The following USP32 variants were observed in gnomAD, a reference collection of about 807,000 sequenced individuals.
The protein encoded by USP32 is ubiquitin specific peptidase 32.
USP32 carries 59 observed loss-of-function variants against 204.8 expected under a neutral mutation model. That is an observed-to-expected ratio of 0.29 (90% CI 0.23 to 0.36). The LOEUF (loss-of-function observed/expected upper bound fraction) is 0.36. Ranked by LOEUF, USP32 falls within the 10% of genes least tolerant of loss-of-function variation. The pLI, the probability that USP32 is intolerant of heterozygous loss-of-function variation, is 1.00. For missense variants in USP32, 1,160 were observed against 1,946.4 expected (o/e 0.60, Z 7.60); for synonymous variants, 517 against 678.4 (o/e 0.76, Z 3.70).
chr17:60,209,903 G>A (rs2084915934), intron 21 of USP32, among the ~76,000 whole-genome samples: 2 of 151,858 alleles, frequency 1.3e-5, no homozygotes, highest in Admixed American at 1.3e-4. Flanking sequence ...ATTTTTATAT[G>A]CATATAAAAT....
At chr17:60,303,006 T>C (rs968225843) in intron 2 of USP32, among the ~76,000 whole-genome samples, 18 of 152,202 alleles carry the variant, frequency 1.2e-4, no homozygotes, top group African/African-American at 4.3e-4. Context: ...TTAGTCAATA[T>C]GAAAACTGAA....
At chr17:60,278,105 T>C (rs937878958) in intron 5 of USP32, among the ~76,000 whole-genome samples, 3 of 152,072 alleles carry the variant, frequency 2.0e-5, no homozygotes, top group African/African-American at 7.2e-5. Context: ...CGGGCCTTGC[T>C]GTTTCCCAGG....
chr17:60,207,894 A>G (rs568014164), intron 24 of USP32, 165 bp downstream of exon 24: 7 of 1,243,512 alleles, frequency 5.6e-6, no homozygotes, highest in African/African-American at 4.6e-5. Context: ...AAAACTCTTA[A>G]GTTTCTGGGT....
intron 1 of USP32, among the ~76,000 whole-genome samples, chr17:60,412,510 G>C (rs2090026412): frequency 6.6e-6 from 1 of 150,986 alleles, no homozygotes; most frequent in South Asian, 2.1e-4. Flanking sequence ...ACTCCAGCTT[G>C]GGTGACAGAG....
At position 60,376,218 on chromosome 17, in the gene USP32, G is replaced by A. The variant is rs547009053; in HGVS notation, c.58+15664C>T. On this transcript the variant is annotated intron_variant, in intron 1 of 33. Coordinates refer to ENST00000300896, the MANE Select transcript of USP32 (RefSeq NM_032582.4). ...GAGCCACTGAGCCCAACTATAATCC[G>A]ATTTTTTATTTGTATATCTAATTAT... 5.8e-3 allele frequency among the ~76,000 whole-genome samples: 882 copies of A among 151,498 alleles called. 8 individuals carry two copies. Among genetic ancestry groups the A allele is most frequent in the African/African-American group, 0.02 (836 of 41,342 alleles).
chr17:60,362,568 C>A (rs758108145), intron 1 of USP32, among the ~76,000 whole-genome samples: 1 of 152,162 alleles, frequency 6.6e-6, no homozygotes, highest in Non-Finnish European at 1.5e-5. Flanking sequence ...TATACTTAAA[C>A]GCTGCAGGAG....
At chr17:60,247,273 G>T (rs1256340779) in intron 11 of USP32, among the ~76,000 whole-genome samples, 1 of 151,150 alleles carries the variant, frequency 6.6e-6, no homozygotes, top group African/African-American at 2.4e-5. Context: ...TCCACCTCCC[G>T]GTTTCAAGCA....
intron 2 of USP32, among the ~76,000 whole-genome samples, chr17:60,334,810 A>G (rs1196685565): frequency 7.0e-6 from 1 of 143,450 alleles, no homozygotes; most frequent in Non-Finnish European, 1.5e-5. Context: ...TCAAGGGTCA[A>G]CTGTGTCTAG....
chr17:60,301,204 G>C (rs2087564930), intron 3 of USP32, among the ~76,000 whole-genome samples: 1 of 151,996 alleles, frequency 6.6e-6, no homozygotes, highest in South Asian at 2.1e-4. Context: ...AAATTTTCTT[G>C]GGTACAAACT....
Position 60,250,556 on chromosome 17 carries a change from G to A in USP32, c.1136+1825C>T, listed in dbSNP as rs552079995. On this transcript the variant is annotated intron_variant, in intron 11 of 33. Coordinates refer to ENST00000300896, the MANE Select transcript of USP32 (RefSeq NM_032582.4). ...CATGTCAATTATTTTAAAATCCTAC[G>A]TTAATATATTTTAAAATCTTTTAGT... Among the ~76,000 whole-genome samples the A allele has an allele frequency of 1.1e-4, 16 of 152,122 alleles. No individual in the cohort carries two copies. The South Asian group carries it at 2.5e-3, about 24-fold the overall frequency.
chr17:60,388,026 T>C (rs2146133028), intron 1 of USP32, among the ~76,000 whole-genome samples: 1 of 152,224 alleles, frequency 6.6e-6, no homozygotes, highest in East Asian at 1.9e-4. Flanking sequence ...TATATGATCC[T>C]AGAGAGAGGG....
At chr17:60,299,929 C>A (rs1447092095) in intron 3 of USP32, among the ~76,000 whole-genome samples, 1 of 152,106 alleles carries the variant, frequency 6.6e-6, no homozygotes, top group African/African-American at 2.4e-5. Context: ...CTCTCTGGGG[C>A]CTCTTTTATT....
At chr17:60,413,861 C>CAAA (rs1307789444) in intron 1 of USP32, among the ~76,000 whole-genome samples, 24 of 31,664 alleles carry the variant, frequency 7.6e-4, no homozygotes, top group Middle Eastern at 0.015. Flanking sequence ...GATTCTGTCT[C>CAAA]AAAAAAAAAA....
intron 2 of USP32, among the ~76,000 whole-genome samples, chr17:60,317,710 G>A (rs1266829005): frequency 2.0e-5 from 3 of 151,958 alleles, no homozygotes; most frequent in Admixed American, 6.5e-5. Flanking sequence ...CAGCTACACA[G>A]GAGGCTAAAG....
upstream of USP32, chr17:60,392,214 T>C: frequency 6.0e-6 from 2 of 330,894 alleles, no homozygotes; most frequent in Non-Finnish European, 1.1e-5. Flanking sequence ...CCTTCCCTCC[T>C]CACGCCCTCT....
Position 60,252,407 on chromosome 17 carries a change from A to C in USP32, c.1110T>G (p.Thr370=). Residue 370 remains threonine (T), a synonymous_variant, in exon 11 of 34, where the codon ACT becomes ACG. Transcript: ENST00000300896. ...TAATAATTTGTCCTTCTTCTTCCGG[A>C]GTAGCTGGTCTTAACCCCAGAACTA... ...CHIVLGLRPA[T]PEEEGQIIRG... is the part of the protein sequence containing the mutation. The C allele has an allele frequency of 6.2e-7, 1 of 1,610,404 alleles. No individual in the cohort carries two copies. The highest frequency in any genetic ancestry group is 8.5e-7 in the Non-Finnish European group (1 of 1,178,480).
rs989435244 is a variant in USP32, at chr17:60,392,101, C to G, written c.-162G>C. On this transcript the variant is annotated 5_prime_UTR_variant, in exon 1 of 34. Coordinates refer to ENST00000300896, the MANE Select transcript of USP32 (RefSeq NM_032582.4). ...CGGCTTCTGCCCCGGCGGCTCCTCC[C>G]GGTCGCCGCCACCGCCTCCATGCCG... is the stretch of plus-strand genomic sequence containing the variant. The G allele has an allele frequency of 2.9e-5, 20 of 693,400 alleles. No individual in the cohort carries two copies. The highest frequency in any genetic ancestry group is 3.9e-4 in the Middle Eastern group (1 of 2,550). 43.0% of individuals were successfully genotyped at this position (693,400 alleles called of 1,614,324 possible). A position where few individuals can be genotyped will look rare whatever the true frequency, so the allele number is the denominator to read the frequency against.
intron 1 of USP32, among the ~76,000 whole-genome samples, chr17:60,399,986 A>G: frequency 6.6e-6 from 1 of 151,624 alleles, no homozygotes. Flanking sequence ...TTTTTTTGAG[A>G]TGGAGTCTTG....
intron 11 of USP32, among the ~76,000 whole-genome samples, chr17:60,250,784 T>C (rs931738754): frequency 2.0e-5 from 3 of 151,938 alleles, no homozygotes; most frequent in Admixed American, 6.6e-5. Flanking sequence ...AGACCCCATC[T>C]CAAAAGAAAA....
Sources: allele counts gnomAD v4.1 joint callset (sites outside exome capture counted in the v4.1 genomes callset), GRCh38; gene constraint gnomAD v4.1.1; transcripts MANE v1.5; gene names NCBI Gene and HGNC (gene_info 2026-07-23, HGNC 2026-07-21).